The following UNC5D variants were observed in gnomAD, a reference collection of about 807,000 sequenced individuals.
UNC5D encodes the protein unc-5 netrin receptor D.
In UNC5D, 39 loss-of-function variants were observed where a neutral mutation model predicts 105.4. The ratio of observed to expected loss-of-function variants is 0.37; its 90% CI spans 0.29 to 0.48. UNC5D has a LOEUF of 0.48. UNC5D is among the 20% of genes least tolerant of loss of function. The probability of loss-of-function intolerance (pLI) is 0.98; values close to 1 mark genes in which losing one functional copy is unlikely to be tolerated. For synonymous variants in UNC5D, 452 were observed against 450.4 expected (o/e 1.00, Z -0.04); for missense variants, 991 against 1,202.4 (o/e 0.82, Z 2.60).
intron 1 of UNC5D, among the ~76,000 whole-genome samples, chr8:35,489,358 T>C (rs1481980998): frequency 2.6e-5 from 4 of 152,156 alleles, no homozygotes; most frequent in African/African-American, 9.6e-5. Flanking sequence ...AATTCATATG[T>C]TGAAGTTCTA....
intron 14 of UNC5D, 84 bp downstream of exon 14, chr8:35,759,553 T>C: frequency 6.7e-7 from 1 of 1,482,066 alleles, no homozygotes; most frequent in Non-Finnish European, 9.1e-7. Context: ...GTCTGCTTGA[T>C]TTTCCTCCTC....
chr8:35,426,336 T>C (rs1036871817), intron 1 of UNC5D, among the ~76,000 whole-genome samples: 5 of 152,174 alleles, frequency 3.3e-5, no homozygotes, highest in Non-Finnish European at 5.9e-5. Flanking sequence ...CATAATTTGA[T>C]CAGTGCAGAA....
intron 1 of UNC5D, among the ~76,000 whole-genome samples, chr8:35,508,347 A>G (rs542269589): frequency 6.6e-6 from 1 of 152,346 alleles, no homozygotes; most frequent in Non-Finnish European, 1.5e-5. Context: ...ACCTAGGTCT[A>G]GATTATTTTA....
chr8:35,247,490 A>G (rs1300647845), intron 1 of UNC5D, among the ~76,000 whole-genome samples: 2 of 136,614 alleles, frequency 1.5e-5, no homozygotes, highest in African/African-American at 5.5e-5. Flanking sequence ...GTATGAATCT[A>G]CTAGGAGATC....
At chr8:35,522,066 A>T (rs1813523017) in intron 1 of UNC5D, among the ~76,000 whole-genome samples, 1 of 152,212 alleles carries the variant, frequency 6.6e-6, no homozygotes, top group African/African-American at 2.4e-5. Context: ...TAGATTTCAT[A>T]ACACCATGCT....
At chr8:35,444,008 G>A (rs1374494175) in intron 1 of UNC5D, among the ~76,000 whole-genome samples, 3 of 151,832 alleles carry the variant, frequency 2.0e-5, no homozygotes, top group African/African-American at 7.3e-5. Context: ...ACATACTTTT[G>A]TTGAAAACAT....
chr8:35,645,182 T>A (rs1822975481), intron 4 of UNC5D, among the ~76,000 whole-genome samples: 1 of 152,168 alleles, frequency 6.6e-6, no homozygotes. Context: ...TGTCTTCATA[T>A]GTGTCTCTTT....
At chr8:35,412,458 A>C (rs564490991) in intron 1 of UNC5D, among the ~76,000 whole-genome samples, 1 of 150,972 alleles carries the variant, frequency 6.6e-6, no homozygotes, top group African/African-American at 2.4e-5. Context: ...TGCTTTTTGT[A>C]TGTTATGACA....
chr8:35,387,374 A>AAAAAAAG (rs1245280726), intron 1 of UNC5D, among the ~76,000 whole-genome samples: 15 of 149,390 alleles, frequency 1.0e-4, no homozygotes, highest in South Asian at 2.1e-4. Flanking sequence ...AAAAAAAAAA[A>AAAAAAAG]AGAGAAACGC....
intron 1 of UNC5D, among the ~76,000 whole-genome samples, chr8:35,236,636 C>T (rs935702010): frequency 1.3e-5 from 2 of 152,204 alleles, no homozygotes; most frequent in African/African-American, 2.4e-5. Flanking sequence ...GCCTAGACCC[C>T]ATTTTCTTGG....
rs370958592 is a variant in UNC5D at position 35,340,094 on chromosome 8, G to A, written c.103+104207G>A. ...AGTCTATGTTCAGGAATGGGTAAAG[G>A]CCTCTTAAACAAAAATGGAGTTAGT... On this transcript the variant is annotated intron_variant, in intron 1 of 16. Transcript: ENST00000404895. Among the ~76,000 whole-genome samples the A allele has an allele frequency of 5.3e-4, 81 of 152,230 alleles. 1 individual carries two copies. The highest frequency in any genetic ancestry group is 1.8e-3 in the African/African-American group (74 of 41,546).
rs1586656918 is a variant in UNC5D, at chr8:35,793,239, C to G, written c.*2676C>G. The G allele has an allele frequency of 2.3e-6, 1 of 428,664 alleles. No individual in the cohort carries two copies. The highest frequency in any genetic ancestry group is 2.7e-5 in the Admixed American group (1 of 37,280). The allele number at this position is 428,664 out of a possible 1,614,324, so 26.6% of individuals were successfully genotyped here. Reference sequence around the variant, plus strand: ...ACAATACAATTTCAAAGAGAACCCACATTTGTGAGATTTACAGACCAAGGT... The same window carrying G: ...ACAATACAATTTCAAAGAGAACCCAGATTTGTGAGATTTACAGACCAAGGT... On this transcript the variant is annotated 3_prime_UTR_variant, in exon 17 of 17. Coordinates refer to ENST00000404895, the MANE Select transcript of UNC5D (RefSeq NM_080872.4).
At chr8:35,458,439 A>T (rs1808645417) in intron 1 of UNC5D, among the ~76,000 whole-genome samples, 1 of 152,156 alleles carries the variant, frequency 6.6e-6, no homozygotes, top group East Asian at 1.9e-4. Context: ...TCCTGAGGCC[A>T]CTAGCACTGA....
chr8:35,379,552 C>T (rs1802899077), intron 1 of UNC5D, among the ~76,000 whole-genome samples: 1 of 152,158 alleles, frequency 6.6e-6, no homozygotes, highest in Non-Finnish European at 1.5e-5. Context: ...ACTGCAGGCT[C>T]ATTCCCTGCA....
intron 1 of UNC5D, among the ~76,000 whole-genome samples, chr8:35,453,576 G>T (rs894505742): frequency 6.6e-6 from 1 of 152,132 alleles, no homozygotes; most frequent in Non-Finnish European, 1.5e-5. Context: ...TTCACATTTA[G>T]TTTTAAATTT....
intron 1 of UNC5D, among the ~76,000 whole-genome samples, chr8:35,416,930 A>G (rs1287363338): frequency 6.6e-6 from 1 of 152,076 alleles, no homozygotes; most frequent in East Asian, 1.9e-4. Context: ...AATTCTGTTT[A>G]TTTTTTATTT....
Position 35,512,474 on chromosome 8 carries a change from AT to A in UNC5D, c.104-36817del, listed in dbSNP as rs1440019887. 8.2e-3 allele frequency among the ~76,000 whole-genome samples: 801 copies of A among 97,628 alleles called. 16 individuals carry two copies. The highest frequency in any genetic ancestry group is 0.012 in the Non-Finnish European group (622 of 51,872). The allele number at this position is 97,628 out of a possible 152,430, so 64.0% of individuals were successfully genotyped here. ...AAGGCTAATAGTGAGCCATATATAT[AT>A]ATATATATATATATATATATATATA... is the stretch of plus-strand genomic sequence containing the variant. On this transcript the variant is annotated intron_variant, in intron 1 of 16. Coordinates refer to ENST00000404895, the MANE Select transcript of UNC5D (RefSeq NM_080872.4).
chr8:35,498,153 G>A (rs1376177815), intron 1 of UNC5D, among the ~76,000 whole-genome samples: 2 of 147,452 alleles, frequency 1.4e-5, no homozygotes. Flanking sequence ...ATATTTCAAG[G>A]AAAAAGGAAC....
intron 1 of UNC5D, among the ~76,000 whole-genome samples, chr8:35,380,099 C>CGGGGGGGG (rs1802939276): frequency 5.3e-5 from 1 of 18,902 alleles, no homozygotes; most frequent in Non-Finnish European, 1.1e-4. Flanking sequence ...GGGGGGGGGT[C>CGGGGGGGG]GGGGAGAGAG....
Sources: gnomAD v4.1 joint callset for allele counts (sites outside exome capture counted in the v4.1 genomes callset) on GRCh38, gnomAD v4.1.1 for gene constraint, MANE v1.5 for transcripts, NCBI Gene and HGNC (gene_info 2026-07-23, HGNC 2026-07-21) for gene names.